CELF2: variants seen among roughly 807,000 people sequenced by gnomAD.
CELF2 encodes CUG triplet repeat RNA-binding protein 2.
A neutral mutation model predicts 62.6 loss-of-function variants in CELF2; 8 were observed. That is an observed-to-expected ratio of 0.13 (90% CI 0.07 to 0.23). The LOEUF is 0.23. Ranked by LOEUF, CELF2 falls within the 10% of genes least tolerant of loss-of-function variation. The pLI is 1.00. For synonymous variants in CELF2, 258 were observed against 250.0 expected (o/e 1.03, Z -0.30); for missense variants, 333 against 671.0 (o/e 0.50, Z 5.56).
At chr10:10,847,355 T>C (rs1395992532) in intron 1 of CELF2, among the ~76,000 whole-genome samples, 1 of 152,160 alleles carries the variant, frequency 6.6e-6, no homozygotes, top group Non-Finnish European at 1.5e-5. Context: ...CAATGTAAAA[T>C]AGTGATGATA....
chr10:11,190,602 A>C (rs2076060494), intron 2 of CELF2, among the ~76,000 whole-genome samples: 1 of 151,540 alleles, frequency 6.6e-6, no homozygotes, highest in Non-Finnish European at 1.5e-5. Flanking sequence ...AGATTCTCAA[A>C]GGAATTGTTC....
At chr10:10,476,193 C>G in the CELF2 span, among the ~76,000 whole-genome samples, 1 of 143,940 alleles carries the variant, frequency 6.9e-6, no homozygotes, top group Non-Finnish European at 1.5e-5. Context: ...TTTGTGTTTA[C>G]AAGGAAAGAT....
rs2082872331 is a variant in CELF2 at position 11,268,734 on chromosome 10, AT to A, written c.619-1931del. Reference sequence around the variant, plus strand: ...AATTGGCATTTAAATAGGAGGTTATATATTATGCAGTCACATTATAATTGTT... The same window carrying A: ...AATTGGCATTTAAATAGGAGGTTATAATTATGCAGTCACATTATAATTGTT... On this transcript the variant is annotated intron_variant, in intron 6 of 12. Coordinates refer to ENST00000633077, the MANE Select transcript of CELF2 (RefSeq NM_001326342.2). The surrounding 1 kb of genome is among the most constrained non-coding windows in gnomAD (Gnocchi z 4.7). Among the ~76,000 whole-genome samples the A allele has an allele frequency of 6.6e-6, 1 of 152,044 alleles. No homozygotes were observed. Among genetic ancestry groups the A allele is most frequent in the African/African-American group, 2.4e-5 (1 of 41,384 alleles).
intron 2 of CELF2, among the ~76,000 whole-genome samples, chr10:11,215,996 G>A (rs2063270227): frequency 6.6e-6 from 1 of 152,158 alleles, no homozygotes; most frequent in South Asian, 2.1e-4. Context: ...CAAAATAGCT[G>A]AAATAAGATG....
At chr10:11,061,391 G>A (rs1296057678) in intron 1 of CELF2, among the ~76,000 whole-genome samples, 1 of 152,230 alleles carries the variant, frequency 6.6e-6, no homozygotes, top group Non-Finnish European at 1.5e-5. Flanking sequence ...CAGAGGTTGG[G>A]TGATGAGGGT....
intron 1 of CELF2, among the ~76,000 whole-genome samples, chr10:10,871,119 G>A (rs912769247): frequency 6.6e-6 from 1 of 152,192 alleles, no homozygotes; most frequent in Non-Finnish European, 1.5e-5. Flanking sequence ...GAGCCGGTTC[G>A]CAGTCAAGCT....
the CELF2 span, among the ~76,000 whole-genome samples, chr10:10,724,192 C>T: frequency 6.6e-6 from 1 of 152,276 alleles, no homozygotes; most frequent in Non-Finnish European, 1.5e-5. Context: ...AACTTTTTTA[C>T]ATTAACCATG....
intron 1 of CELF2, among the ~76,000 whole-genome samples, chr10:10,861,588 G>A (rs1299901226): frequency 6.6e-6 from 1 of 152,122 alleles, no homozygotes; most frequent in Non-Finnish European, 1.5e-5. Context: ...ATCCACCAGA[G>A]GAGTTAACTT....
chr10:11,137,725 G>T (rs558586158), intron 1 of CELF2, among the ~76,000 whole-genome samples: 2 of 152,208 alleles, frequency 1.3e-5, no homozygotes, highest in Non-Finnish European at 2.9e-5. Flanking sequence ...TGAAAAGTAC[G>T]ACAAATTCAG....
intron 1 of CELF2, among the ~76,000 whole-genome samples, chr10:10,830,586 A>G (rs969519806): frequency 6.6e-6 from 1 of 152,146 alleles, no homozygotes; most frequent in Non-Finnish European, 1.5e-5. Flanking sequence ...TTTTAACAAA[A>G]CTTCCTACTG....
At chr10:10,567,794 A>C in the CELF2 span, among the ~76,000 whole-genome samples, 1 of 152,156 alleles carries the variant, frequency 6.6e-6, no homozygotes, top group Non-Finnish European at 1.5e-5. Context: ...AAAAAAGTCT[A>C]CCTTCTGGCA....
At chr10:10,713,416 C>CT in the CELF2 span, among the ~76,000 whole-genome samples, 3 of 152,296 alleles carry the variant, frequency 2.0e-5, no homozygotes, top group Non-Finnish European at 4.4e-5. Flanking sequence ...TTGGGGCTGA[C>CT]TATCTAGATG....
rs574749235 is a variant in CELF2 at position 11,249,930 on chromosome 10, A to T, written c.403+729A>T. Among the ~76,000 whole-genome samples the T allele has an allele frequency of 5.9e-5, 9 of 152,296 alleles. No homozygotes were observed. In the South Asian group the frequency reaches 1.2e-3, roughly 21 times the overall value. ...TTAAAAGAATCTTCTACCATCCTAGACTGGAGAGCTGCTCTGTCCCATAAG... is the reference window on the plus strand; with the variant it reads ...TTAAAAGAATCTTCTACCATCCTAGTCTGGAGAGCTGCTCTGTCCCATAAG... On this transcript the variant is annotated intron_variant, in intron 4 of 12. Coordinates refer to ENST00000633077, the MANE Select transcript of CELF2 (RefSeq NM_001326342.2).
Position 11,075,898 on chromosome 10 carries a change from G to T in CELF2, c.74+57735G>T, listed in dbSNP as rs1459173879. On this transcript the variant is annotated intron_variant, in intron 1 of 12. Coordinates refer to ENST00000633077, the MANE Select transcript of CELF2 (RefSeq NM_001326342.2). The surrounding 1 kb of genome is among the most constrained non-coding windows in gnomAD (Gnocchi z 5.4). ...AATGTTTAATAAACTGCCAACATCA[G>T]TATCTCAGAATGAGTGAAACAAAAA... is the stretch of plus-strand genomic sequence containing the variant. Among the ~76,000 whole-genome samples the T allele has an allele frequency of 2.0e-5, 3 of 152,068 alleles. No individual in the cohort carries two copies. Among genetic ancestry groups the T allele is most frequent in the Non-Finnish European group, 4.4e-5 (3 of 68,000 alleles).
chr10:10,566,055 C>G, the CELF2 span, among the ~76,000 whole-genome samples: 2 of 152,300 alleles, frequency 1.3e-5, no homozygotes, highest in South Asian at 4.1e-4. Flanking sequence ...CCAACCCATT[C>G]TAACCTATAT....
chr10:10,901,430 A>G (rs2062933850), intron 1 of CELF2, among the ~76,000 whole-genome samples: 1 of 152,246 alleles, frequency 6.6e-6, no homozygotes, highest in Admixed American at 6.5e-5. Flanking sequence ...TGAGAAAAGA[A>G]TGAATTTTTC....
intron 1 of CELF2, among the ~76,000 whole-genome samples, chr10:10,864,961 C>A (rs570082843): frequency 8.0e-4 from 121 of 152,146 alleles, no homozygotes; most frequent in Non-Finnish European, 1.6e-3. Context: ...AATAAAAGAA[C>A]CTTGGGTATT....
Position 11,220,440 on chromosome 10 carries a change from A to G in CELF2, c.354+2933A>G, listed in dbSNP as rs775119256. On this transcript the variant is annotated intron_variant, in intron 3 of 12. Coordinates refer to ENST00000633077, the MANE Select transcript of CELF2 (RefSeq NM_001326342.2). The surrounding 1 kb of genome is among the most constrained non-coding windows in gnomAD (Gnocchi z 4.4). Reference sequence around the variant, plus strand: ...TGTTGTGCAATCAAATGTGTCTGCCATAAGATTTTGATTTAAAGGCACCCT... The same window carrying G: ...TGTTGTGCAATCAAATGTGTCTGCCGTAAGATTTTGATTTAAAGGCACCCT... 2.4e-4 allele frequency among the ~76,000 whole-genome samples: 37 copies of G among 152,216 alleles called. No individual in the cohort carries two copies. Among genetic ancestry groups the G allele is most frequent in the African/African-American group, 2.7e-4 (11 of 41,470 alleles).
chr10:11,206,396 A>T (rs749234830), intron 2 of CELF2, among the ~76,000 whole-genome samples: 1 of 152,256 alleles, frequency 6.6e-6, no homozygotes, highest in Non-Finnish European at 1.5e-5. Context: ...ACTATGAAAT[A>T]ACCTTATATT....
Sources: allele counts gnomAD v4.1 joint callset (sites outside exome capture counted in the v4.1 genomes callset), GRCh38; gene constraint gnomAD v4.1.1; non-coding constraint Gnocchi (gnomAD v3.1); transcripts MANE v1.5; gene names NCBI Gene and HGNC (gene_info 2026-07-23, HGNC 2026-07-21).